Variants in MACROD2 observed in about 807,000 individuals in gnomAD.
The protein encoded by MACROD2 is ADP-ribose glycohydrolase MACROD2.
MACROD2 carries 36 observed loss-of-function variants against 70.4 expected under a neutral mutation model. The observed-to-expected ratio is 0.51, with a 90% CI of 0.39 to 0.68. The LOEUF (loss-of-function observed/expected upper bound fraction) is 0.68. Among genes scored for constraint, MACROD2 ranks in the 30% least tolerant of loss-of-function variants. The pLI is 0.00. For synonymous variants in MACROD2, 172 were observed against 178.8 expected (o/e 0.96, Z 0.30); for missense variants, 496 against 538.4 (o/e 0.92, Z 0.78).
chr20:16,033,851 AGG>A (rs747359886), intron 15 of MACROD2, among the ~76,000 whole-genome samples: 1 of 133,706 alleles, frequency 7.5e-6, no homozygotes, highest in African/African-American at 2.8e-5. Flanking sequence ...CTATCACAGT[AGG>A]GGGTGGGGTG....
Position 15,242,143 on chromosome 20 carries a change from T to C in MACROD2, c.540+12082T>C, listed in dbSNP as rs533411701. On this transcript the variant is annotated intron_variant, in intron 6 of 17. Transcript: ENST00000684519. The stretch of plus-strand genomic sequence containing the variant: ...TGGATCAAGAAAGACACTACATCAC[T>C]GCTATGGTATTCTTGCCATAGCCAC... 9.2e-5 allele frequency among the ~76,000 whole-genome samples: 14 copies of C among 152,300 alleles called. No homozygotes were observed. In the East Asian group the frequency reaches 2.3e-3, roughly 25 times the overall value.
intron 15 of MACROD2, among the ~76,000 whole-genome samples, chr20:16,003,077 CCCACCCACACA>C (rs1328848141): frequency 9.6e-5 from 2 of 20,796 alleles, no homozygotes; most frequent in Admixed American, 1.0e-3. Flanking sequence ...AACCCACCCA[CCCACCCACACA>C]CACACACACA....
chr20:14,838,740 A>C (rs185033871), intron 5 of MACROD2, among the ~76,000 whole-genome samples: 31 of 152,244 alleles, frequency 2.0e-4, no homozygotes, highest in Admixed American at 1.8e-3. Context: ...ATGAGCATTA[A>C]GTGGTTTGTA....
intron 5 of MACROD2, among the ~76,000 whole-genome samples, chr20:14,969,907 G>A (rs2074674991): frequency 6.6e-6 from 1 of 152,060 alleles, no homozygotes; most frequent in Admixed American, 6.5e-5. Flanking sequence ...TCTCCAAAAG[G>A]TAGCAAGACC....
chr20:15,332,103 T>C (rs770800731), intron 6 of MACROD2, among the ~76,000 whole-genome samples: 2 of 151,502 alleles, frequency 1.3e-5, no homozygotes, highest in Non-Finnish European at 2.9e-5. Context: ...GTGTAGGAAA[T>C]GGGAAAAGTT....
At chr20:15,388,077 G>T (rs1010302912) in intron 6 of MACROD2, among the ~76,000 whole-genome samples, 3 of 152,106 alleles carry the variant, frequency 2.0e-5, no homozygotes, top group Non-Finnish European at 1.5e-5. Flanking sequence ...AACCTAGGGT[G>T]ATCTGAAAGG....
At chr20:14,689,488 C>T (rs996663769) in intron 5 of MACROD2, among the ~76,000 whole-genome samples, 26 of 152,162 alleles carry the variant, frequency 1.7e-4, no homozygotes, top group East Asian at 5.8e-4. Flanking sequence ...TCTCAAAATC[C>T]GATAGTGGAT....
intron 5 of MACROD2, among the ~76,000 whole-genome samples, chr20:14,847,826 T>A (rs2073159805): frequency 6.6e-6 from 1 of 152,154 alleles, no homozygotes. Flanking sequence ...CTCAGAGCCC[T>A]TTGCTTTGAA....
intron 8 of MACROD2, among the ~76,000 whole-genome samples, chr20:15,620,859 G>A (rs181339196): frequency 1.8e-4 from 28 of 152,180 alleles, no homozygotes; most frequent in Non-Finnish European, 3.8e-4. Flanking sequence ...CATAACTAAG[G>A]CAGTGCTATA....
intron 5 of MACROD2, among the ~76,000 whole-genome samples, chr20:15,044,849 ACT>A (rs1384645800): frequency 1.6e-4 from 24 of 152,108 alleles, no homozygotes; most frequent in African/African-American, 5.5e-4. Flanking sequence ...TCCTCTTGGG[ACT>A]CTCACAGATA....
chr20:14,244,351 CT>C (rs1397195664), intron 3 of MACROD2, among the ~76,000 whole-genome samples: 2 of 151,816 alleles, frequency 1.3e-5, no homozygotes, highest in Non-Finnish European at 2.9e-5. Flanking sequence ...TGAAAGTGAA[CT>C]TCAAAATTAT....
At chr20:15,207,721 G>A (rs929748869) in intron 5 of MACROD2, among the ~76,000 whole-genome samples, 4 of 151,932 alleles carry the variant, frequency 2.6e-5, no homozygotes, top group African/African-American at 9.7e-5. Context: ...GATTACAGGT[G>A]TGAGCCACAT....
intron 6 of MACROD2, among the ~76,000 whole-genome samples, chr20:15,424,237 G>A (rs2046268392): frequency 6.6e-6 from 1 of 152,148 alleles, no homozygotes; most frequent in Non-Finnish European, 1.5e-5. Context: ...TGTAGAAGGA[G>A]GGATGAAGAC....
At chr20:14,055,350 A>G (rs951563489) in intron 2 of MACROD2, among the ~76,000 whole-genome samples, 1 of 151,996 alleles carries the variant, frequency 6.6e-6, no homozygotes, top group Non-Finnish European at 1.5e-5. Context: ...ATTTCCAAAA[A>G]TGCATTAATT....
chr20:14,914,816 T>A (rs2074071206), intron 5 of MACROD2, among the ~76,000 whole-genome samples: 1 of 152,338 alleles, frequency 6.6e-6, no homozygotes, highest in Admixed American at 6.5e-5. Context: ...AATTAATTCT[T>A]CTAATGCATG....
At chr20:14,939,968 C>T (rs1338729402) in intron 5 of MACROD2, among the ~76,000 whole-genome samples, 3 of 151,582 alleles carry the variant, frequency 2.0e-5, no homozygotes, top group East Asian at 3.9e-4. Context: ...TACAACTTTA[C>T]GGAATTTGTT....
chr20:15,928,948 A>T (rs1304585507), intron 10 of MACROD2, among the ~76,000 whole-genome samples: 1 of 152,096 alleles, frequency 6.6e-6, no homozygotes, highest in Non-Finnish European at 1.5e-5. Context: ...AAGAGTGCTA[A>T]TTTTTTTTAA....
chr20:15,671,525 G>A (rs2049979751), intron 8 of MACROD2, among the ~76,000 whole-genome samples: 1 of 152,252 alleles, frequency 6.6e-6, no homozygotes, highest in Non-Finnish European at 1.5e-5. Context: ...GTGAGGAGAG[G>A]CCTCTACTAT....
chr20:14,052,384 A>T (rs1156558585), intron 2 of MACROD2, among the ~76,000 whole-genome samples: 1 of 152,170 alleles, frequency 6.6e-6, no homozygotes, highest in Non-Finnish European at 1.5e-5. Context: ...GGAAATGTTT[A>T]GATCTGTGAA....
Sources: allele counts gnomAD v4.1 joint callset (sites outside exome capture counted in the v4.1 genomes callset), GRCh38; gene constraint gnomAD v4.1.1; transcripts MANE v1.5; gene names NCBI Gene and HGNC (gene_info 2026-07-23, HGNC 2026-07-21).